Variants in IQCB1 observed in about 807,000 individuals in gnomAD.
IQCB1 encodes the protein IQ motif containing B1.
In IQCB1, 56 loss-of-function variants were observed where a neutral mutation model predicts 84.4. That is an observed-to-expected ratio of 0.66 (90% CI 0.54 to 0.83). The LOEUF (loss-of-function observed/expected upper bound fraction) is 0.83, where lower values mean the gene tolerates loss of function less well. Ranked by LOEUF, IQCB1 falls within the 40% of genes least tolerant of loss-of-function variation. The probability of loss-of-function intolerance (pLI) is 0.00; values close to 1 mark genes in which losing one functional copy is unlikely to be tolerated. For missense variants in IQCB1, 629 were observed against 682.1 expected, an observed-to-expected ratio of 0.92 and a Z score of 0.87; for synonymous variants, 210 against 234.8, an observed-to-expected ratio of 0.89 and a Z score of 0.96.
At chr3:121,795,140 C>T (rs767112890) in intron 10 of IQCB1, among the ~76,000 whole-genome samples, 8 of 151,974 alleles carry the variant, frequency 5.3e-5, no homozygotes, top group Non-Finnish European at 7.4e-5. Flanking sequence ...ATTATACACA[C>T]GAAATTATGA....
intron 13 of IQCB1, among the ~76,000 whole-genome samples, chr3:121,774,665 C>A (rs1948148805): frequency 6.6e-6 from 1 of 152,124 alleles, no homozygotes; most frequent in African/African-American, 2.4e-5. Context: ...AAGTATGATT[C>A]TACTCATGAG....
At chr3:121,807,889 G>A (rs931263282) in intron 6 of IQCB1, among the ~76,000 whole-genome samples, 1 of 151,828 alleles carries the variant, frequency 6.6e-6, no homozygotes, top group Non-Finnish European at 1.5e-5. Flanking sequence ...TAATGAATAC[G>A]CTAACTACAA....
At chr3:121,781,662 CAATAT>C in intron 13 of IQCB1, 76 bp downstream of exon 13, 2 of 936,906 alleles carry the variant, frequency 2.1e-6, no homozygotes, top group South Asian at 3.0e-5. Context: ...CACACACACA[CAATAT>C]ATGTGTGTGT....
At chr3:121,805,184 T>C (rs547405284) in intron 7 of IQCB1, among the ~76,000 whole-genome samples, 5 of 152,182 alleles carry the variant, frequency 3.3e-5, no homozygotes, top group Admixed American at 6.5e-5. Flanking sequence ...TTTATTTGCA[T>C]GCCCAGTACT....
Position 121,772,107 on chromosome 3 carries a change from G to A in IQCB1, c.1567+450C>T, listed in dbSNP as rs371579380. ...GGAGAATCGCTTGAACGTGGGAGGCGGAGGTTGCAGTGAGCCAAGATCACA... is the reference window on the plus strand; with the variant it reads ...GGAGAATCGCTTGAACGTGGGAGGCAGAGGTTGCAGTGAGCCAAGATCACA... On this transcript the variant is annotated intron_variant, in intron 14 of 14. Coordinates refer to ENST00000310864, the MANE Select transcript of IQCB1 (RefSeq NM_001023570.4). 3.9e-5 allele frequency among the ~76,000 whole-genome samples: 6 copies of A among 152,142 alleles called. No individual in the cohort carries two copies. The East Asian group carries it at 9.7e-4, about 24-fold the overall frequency.
At chr3:121,779,675 T>C (rs1948390945) in intron 13 of IQCB1, among the ~76,000 whole-genome samples, 1 of 152,202 alleles carries the variant, frequency 6.6e-6, no homozygotes, top group South Asian at 2.1e-4. Flanking sequence ...TAATATTTGA[T>C]TAGCTGCTAG....
chr3:121,818,468 C>A (rs1360603222), intron 5 of IQCB1, among the ~76,000 whole-genome samples: 2 of 152,082 alleles, frequency 1.3e-5, no homozygotes, highest in African/African-American at 4.8e-5. Context: ...AACAGGGATG[C>A]CAAAAGAAGA....
At position 121,829,992 on chromosome 3, in the gene IQCB1, C is replaced by T. The variant is rs377521408; in HGVS notation, c.-12-1020G>A. Reference sequence around the variant, plus strand: ...GAGGCCAAGGTGGGTGAATCACTTGCGGTCAGGAGTTCAAGACCAGCCTGG... The same window carrying T: ...GAGGCCAAGGTGGGTGAATCACTTGTGGTCAGGAGTTCAAGACCAGCCTGG... On this transcript the variant is annotated intron_variant, in intron 2 of 14. Coordinates refer to ENST00000310864, the MANE Select transcript of IQCB1 (RefSeq NM_001023570.4). Among the ~76,000 whole-genome samples the T allele has an allele frequency of 5.3e-5, 8 of 151,968 alleles. No individual in the cohort carries two copies. In the East Asian group the frequency reaches 5.8e-4, roughly 11 times the overall value.
chr3:121,778,701 T>G (rs372270242), intron 13 of IQCB1, among the ~76,000 whole-genome samples: 35 of 151,824 alleles, frequency 2.3e-4, no homozygotes, highest in African/African-American at 8.5e-4. Flanking sequence ...GGGTCAGGAG[T>G]TCGAGACCAG....
rs1396606467 is a variant in IQCB1, at chr3:121,832,199, T to C, written c.-13+2192A>G. 4.6e-5 allele frequency among the ~76,000 whole-genome samples: 7 copies of C among 152,230 alleles called. No homozygotes were observed. In the East Asian group the frequency reaches 1.3e-3, roughly 29 times the overall value. ...CCTTGACTATATTTCTATCGGTTTG[T>C]CTTATTCTTTTGCAGAAGCTTTTCA... On this transcript the variant is annotated intron_variant, in intron 2 of 14. Coordinates refer to ENST00000310864, the MANE Select transcript of IQCB1 (RefSeq NM_001023570.4).
intron 13 of IQCB1, among the ~76,000 whole-genome samples, chr3:121,778,045 C>A (rs370264293): frequency 6.6e-6 from 1 of 151,912 alleles, no homozygotes; most frequent in Non-Finnish European, 1.5e-5. Context: ...GTAGCTGGGA[C>A]CACAGACAGG....
intron 13 of IQCB1, among the ~76,000 whole-genome samples, chr3:121,777,491 C>T (rs894255421): frequency 4.6e-5 from 7 of 152,050 alleles, no homozygotes; most frequent in African/African-American, 1.7e-4. Flanking sequence ...TAAAAATATA[C>T]CATTACAATA....
At chr3:121,816,548 T>C (rs1307147262) in intron 5 of IQCB1, among the ~76,000 whole-genome samples, 1 of 151,790 alleles carries the variant, frequency 6.6e-6, no homozygotes, top group African/African-American at 2.4e-5. Context: ...ATCAAGAATC[T>C]AAAAGGAACT....
At chr3:121,823,214 G>A (rs1950338406) in intron 5 of IQCB1, among the ~76,000 whole-genome samples, 1 of 150,432 alleles carries the variant, frequency 6.6e-6, no homozygotes, top group East Asian at 2.0e-4. Flanking sequence ...ACAAGAAAAG[G>A]ATGAAGGCAG....
chr3:121,826,436 G>C (rs1414704026), intron 4 of IQCB1, among the ~76,000 whole-genome samples: 3 of 152,108 alleles, frequency 2.0e-5, no homozygotes, highest in Non-Finnish European at 4.4e-5. Context: ...AAAGACACTT[G>C]GCTCACAATA....
In IQCB1 at chr3:121,814,644, A is replaced by G. The variant is rs573553620; in HGVS notation, c.394-5635T>C. ...ATACTATAAACACCTCTACACAAAT[A>G]AACTAGAAAATCTAGAAGAAATGGA... On this transcript the variant is annotated intron_variant, in intron 5 of 14. Transcript: ENST00000310864. Among the ~76,000 whole-genome samples, 269 of 152,332 alleles carry G rather than the reference A, an allele frequency of 1.8e-3. 1 individual carries two copies. Among genetic ancestry groups the G allele is most frequent in the South Asian group, 0.013 (62 of 4,820 alleles).
At chr3:121,808,627 G>A (rs905940974) in intron 6 of IQCB1, among the ~76,000 whole-genome samples, 1 of 151,860 alleles carries the variant, frequency 6.6e-6, no homozygotes, top group Admixed American at 6.6e-5. Flanking sequence ...TTATTTTTAG[G>A]AATAAACTGC....
chr3:121,778,040 T>G (rs573322991), intron 13 of IQCB1, among the ~76,000 whole-genome samples: 1 of 152,186 alleles, frequency 6.6e-6, no homozygotes, highest in South Asian at 2.1e-4. Flanking sequence ...CCCAAGTAGC[T>G]GGGACCACAG....
At chr3:121,830,570 GTAGA>G (rs1202286163) in intron 2 of IQCB1, among the ~76,000 whole-genome samples, 3 of 152,162 alleles carry the variant, frequency 2.0e-5, no homozygotes, top group African/African-American at 7.2e-5. Context: ...GGGCTATGAA[GTAGA>G]TAGAGCGTGT....
Sources: gnomAD v4.1 joint callset for allele counts (sites outside exome capture counted in the v4.1 genomes callset) on GRCh38, gnomAD v4.1.1 for gene constraint, MANE v1.5 for transcripts, NCBI Gene and HGNC (gene_info 2026-07-23, HGNC 2026-07-21) for gene names.